Variants in KLF8 observed in about 807,000 individuals in gnomAD.
KLF8 encodes Krueppel-like factor 8.
A neutral mutation model predicts 18.2 loss-of-function variants in KLF8; 10 were observed. That is an observed-to-expected ratio of 0.55 (90% CI 0.34 to 0.93). The LOEUF (loss-of-function observed/expected upper bound fraction) is 0.93, where lower values mean the gene tolerates loss of function less well. KLF8 is among the 40% of genes least tolerant of loss of function. The pLI is 0.02. For synonymous variants in KLF8, 109 were observed against 97.3 expected (o/e 1.12, Z -0.71); for missense variants, 264 against 277.9 (o/e 0.95, Z 0.36).
At chrX:55,912,173 T>A in the KLF8 span, among the ~76,000 whole-genome samples, 1 of 111,583 alleles carries the variant, frequency 9.0e-6, no homozygotes, top group Admixed American at 9.5e-5. Context: ...GACATACTGA[T>A]TCAGAAACTC....
the KLF8 span, among the ~76,000 whole-genome samples, chrX:56,185,582 C>A: frequency 1.8e-5 from 2 of 111,334 alleles, no homozygotes; most frequent in Non-Finnish European, 3.8e-5. Context: ...TCAGATTCTC[C>A]AAAGTTGAAA....
the KLF8 span, among the ~76,000 whole-genome samples, chrX:55,995,582 C>A: frequency 1.8e-5 from 2 of 112,067 alleles, no homozygotes; most frequent in Non-Finnish European, 3.8e-5. Context: ...CTAGTGGTCA[C>A]AAATATCCTT....
At chrX:56,017,195 G>A in the KLF8 span, among the ~76,000 whole-genome samples, 9 of 112,162 alleles carry the variant, frequency 8.0e-5, no homozygotes, top group Admixed American at 8.5e-4. Context: ...TCCCTGTAAC[G>A]CAGAAGCTGA....
In KLF8 at chrX:56,290,867, C is replaced by T. The variant is rs1364757486; in HGVS notation, c.*6373C>T. Among the ~76,000 whole-genome samples, 1 of 111,210 alleles carries T rather than the reference C, an allele frequency of 9.0e-6. No individual in the cohort carries two copies. The highest frequency in any genetic ancestry group is 2.8e-4 in the East Asian group (1 of 3,541). On this transcript the variant is annotated 3_prime_UTR_variant, in exon 6 of 6. Coordinates refer to ENST00000468660, the MANE Select transcript of KLF8 (RefSeq NM_007250.5). ...CTGGTTTTAATTTCCATTTCCTTTT[C>T]TGGTGTTGGGGTGGGGTCAGGGGAA...
chrX:56,004,033 C>A, the KLF8 span, among the ~76,000 whole-genome samples: 2 of 112,218 alleles, frequency 1.8e-5, no homozygotes, highest in African/African-American at 6.5e-5. Context: ...TTTTTGCAAG[C>A]CATGATGAAT....
At chrX:56,081,343 T>C in the KLF8 span, among the ~76,000 whole-genome samples, 1 of 112,165 alleles carries the variant, frequency 8.9e-6, no homozygotes, top group Non-Finnish European at 1.9e-5. Context: ...GTCCTTTCTG[T>C]TTGATTTGAT....
At chrX:56,051,655 C>T in the KLF8 span, among the ~76,000 whole-genome samples, 13 of 110,769 alleles carry the variant, frequency 1.2e-4, no homozygotes, top group Admixed American at 3.8e-4. Flanking sequence ...ATCTGATGGG[C>T]TTCCCTTTGA....
the KLF8 span, among the ~76,000 whole-genome samples, chrX:56,025,413 G>A: frequency 8.9e-6 from 1 of 111,782 alleles, no homozygotes; most frequent in Non-Finnish European, 1.9e-5. Flanking sequence ...TTGTGCAGGA[G>A]GGGCTGCTTT....
chrX:55,928,611 G>A, the KLF8 span, among the ~76,000 whole-genome samples: 46 of 111,370 alleles, frequency 4.1e-4, no homozygotes, highest in Non-Finnish European at 4.5e-4. Flanking sequence ...AGAACATGTA[G>A]TATTTGGTTT....
chrX:56,200,117 G>A, the KLF8 span, among the ~76,000 whole-genome samples: 2 of 110,936 alleles, frequency 1.8e-5, no homozygotes, highest in African/African-American at 6.6e-5. Context: ...AGCATTAGGA[G>A]AAATACCTAA....
chrX:56,250,166 A>G, intron 1 of KLF8, 65 bp from the exon 2 acceptor site: 4 of 752,115 alleles, frequency 5.3e-6, no homozygotes, highest in Non-Finnish European at 8.2e-6. Flanking sequence ...CATTAATGGC[A>G]TATTTATGCA....
intron 5 of KLF8, among the ~76,000 whole-genome samples, chrX:56,271,807 G>T (rs997082061): frequency 9.0e-6 from 1 of 111,003 alleles, no homozygotes; most frequent in Non-Finnish European, 1.9e-5. Context: ...TTCCTCAACC[G>T]TAAGATGAGG....
chrX:56,139,299 C>A, the KLF8 span, among the ~76,000 whole-genome samples: 2 of 111,710 alleles, frequency 1.8e-5, no homozygotes, highest in Non-Finnish European at 3.8e-5. Context: ...TTAGAAAAAT[C>A]TCTTTGAAAA....
the KLF8 span, among the ~76,000 whole-genome samples, chrX:56,105,703 A>G: frequency 1.8e-5 from 2 of 110,865 alleles, no homozygotes; most frequent in Non-Finnish European, 3.8e-5. Context: ...CATTTAGCAC[A>G]TTTGCATTTA....
chrX:55,964,289 G>T, the KLF8 span, among the ~76,000 whole-genome samples: 12 of 112,096 alleles, frequency 1.1e-4, no homozygotes, highest in Non-Finnish European at 2.1e-4. Flanking sequence ...ATGAAATTGA[G>T]ATGCAAAAAT....
At chrX:56,067,803 G>A in the KLF8 span, among the ~76,000 whole-genome samples, 7 of 111,923 alleles carry the variant, frequency 6.3e-5, no homozygotes, top group African/African-American at 1.6e-4. Context: ...GGCAACTCTC[G>A]AGTCCAAGGG....
At chrX:56,047,329 A>T in the KLF8 span, among the ~76,000 whole-genome samples, 255 of 108,920 alleles carry the variant, frequency 2.3e-3, no homozygotes, top group African/African-American at 8.3e-3. Context: ...GGTTTGTTAC[A>T]TATGTATACA....
the KLF8 span, among the ~76,000 whole-genome samples, chrX:56,050,722 T>C: frequency 8.9e-6 from 1 of 112,282 alleles, no homozygotes; most frequent in Non-Finnish European, 1.9e-5. Flanking sequence ...TGTGGTGTGG[T>C]ACTGAAAAAA....
the KLF8 span, among the ~76,000 whole-genome samples, chrX:56,207,579 C>G: frequency 9.0e-6 from 1 of 111,446 alleles, no homozygotes; most frequent in East Asian, 2.8e-4. Context: ...TAACAAGAGT[C>G]ACCTTTGCTC....
Sources: allele counts gnomAD v4.1 joint callset (sites outside exome capture counted in the v4.1 genomes callset), GRCh38; gene constraint gnomAD v4.1.1; transcripts MANE v1.5; gene names NCBI Gene and HGNC (gene_info 2026-07-23, HGNC 2026-07-21).